The following PMPCB variants were observed in gnomAD, a reference collection of about 807,000 sequenced individuals.
PMPCB encodes peptidase, mitochondrial processing subunit beta, also known as mitochondrial-processing peptidase subunit beta.
In PMPCB, 46 loss-of-function variants were observed where a neutral mutation model predicts 61.5. The observed-to-expected ratio is 0.75, with a 90% CI of 0.59 to 0.96. The LOEUF (loss-of-function observed/expected upper bound fraction) is 0.96. PMPCB is among the 40% of genes least tolerant of loss of function. PMPCB has a pLI of 0.00. For missense variants in PMPCB, 590 were observed against 602.4 expected (o/e 0.98, Z 0.22); for synonymous variants, 191 against 201.6 (o/e 0.95, Z 0.44).
At chr7:103,316,785 C>T, downstream of PMPCB, 1 of 1,509,264 alleles carries the variant, frequency 6.6e-7, no homozygotes, top group Non-Finnish European at 9.1e-7. Context: ...ACATTATCTC[C>T]AGGCTCCAGT....
chr7:103,324,882 C>T (rs1019385981), intron 12 of PMPCB, among the ~76,000 whole-genome samples: 4 of 152,282 alleles, frequency 2.6e-5, no homozygotes, highest in African/African-American at 9.6e-5. Context: ...TGGCAGCTAG[C>T]CCCTTTTGCC....
chr7:103,346,962 T>G, the PMPCB span, among the ~76,000 whole-genome samples: 1 of 152,246 alleles, frequency 6.6e-6, no homozygotes, highest in East Asian at 1.9e-4. Context: ...TGGACATGGA[T>G]GTACAAATAT....
rs771121012 is a variant in PMPCB, at chr7:103,297,543, A to T, written c.84A>T (p.Arg28=). 1.2e-6 allele frequency: 2 copies of T among 1,609,558 alleles called. No homozygotes were observed. Among genetic ancestry groups the T allele is most frequent in the South Asian group, 2.2e-5 (2 of 90,778 alleles). Residue 28 remains arginine, a synonymous_variant, in exon 1 of 13, where the codon CGA becomes CGT. Coordinates refer to ENST00000249269, the MANE Select transcript of PMPCB (RefSeq NM_004279.3). Reference sequence around the variant, plus strand: ...GTTTCAGCGAGAGTCTTCTAATCCGAGGCGCTGCGGGACGGGTGAGCTTCC... The same window carrying T: ...GTTTCAGCGAGAGTCTTCTAATCCGTGGCGCTGCGGGACGGGTGAGCTTCC... The part of the protein sequence containing the change: ...LWGFSESLLI[R]GAAGRSLYFG...
intron 12 of PMPCB, among the ~76,000 whole-genome samples, chr7:103,320,113 C>T (rs907837706): frequency 3.3e-5 from 5 of 152,078 alleles, no homozygotes; most frequent in African/African-American, 4.8e-5. Flanking sequence ...TTCTTTGAGA[C>T]GGAGTCTCAC....
At chr7:103,321,341 ACT>A (rs1029608581) in intron 12 of PMPCB, among the ~76,000 whole-genome samples, 3 of 151,914 alleles carry the variant, frequency 2.0e-5, no homozygotes, top group Non-Finnish European at 4.4e-5. Context: ...ACACAGTGAA[ACT>A]CTGTCTCAAC....
chr7:103,308,833 A>T (rs527757513), intron 7 of PMPCB, 119 bp from the exon 8 acceptor site: 151 of 649,812 alleles, frequency 2.3e-4, no homozygotes, highest in African/African-American at 1.6e-3. Flanking sequence ...AAATCAAAAT[A>T]GAGTCCTGGT....
the PMPCB span, among the ~76,000 whole-genome samples, chr7:103,343,665 A>C: frequency 6.6e-6 from 1 of 152,232 alleles, no homozygotes; most frequent in African/African-American, 2.4e-5. Flanking sequence ...ATCACTGTAC[A>C]TGTGTATACT....
At chr7:103,333,006 G>C (rs1434441273), downstream of PMPCB, among the ~76,000 whole-genome samples, 1 of 152,012 alleles carries the variant, frequency 6.6e-6, no homozygotes, top group Non-Finnish European at 1.5e-5. Context: ...AATTTTTTTA[G>C]ATTTTGGAAT....
chr7:103,329,165 A>G (rs1402985673), exon 13 of PMPCB: 2 of 335,820 alleles, frequency 6.0e-6, no homozygotes, highest in African/African-American at 4.4e-5. Context: ...TGTGTCACTT[A>G]CAATTAATAA....
downstream of PMPCB, among the ~76,000 whole-genome samples, chr7:103,319,094 C>T (rs1243256168): frequency 6.6e-6 from 1 of 152,084 alleles, no homozygotes; most frequent in Non-Finnish European, 1.5e-5. Context: ...CACCTGTAAT[C>T]CCACCCGCAC....
At chr7:103,343,101 A>G in the PMPCB span, among the ~76,000 whole-genome samples, 3 of 148,930 alleles carry the variant, frequency 2.0e-5, no homozygotes, top group Non-Finnish European at 3.0e-5. Context: ...CCGGGTTCAA[A>G]CGATTCTTCT....
At chr7:103,343,082 C>T in the PMPCB span, among the ~76,000 whole-genome samples, 1 of 151,960 alleles carries the variant, frequency 6.6e-6, no homozygotes, top group Non-Finnish European at 1.5e-5. Flanking sequence ...TCACTGCAAC[C>T]TCCGCCTCCC....
Position 103,305,298 on chromosome 7 carries a change from G to A in PMPCB, c.736+808G>A, listed in dbSNP as rs765212465. On this transcript the variant is annotated intron_variant, in intron 6 of 12. Transcript: ENST00000249269. ...GGTGACTTCAGAAGGTTTCCTTGAGGTCATGTTTGAAGCCAGTGAATGAAA... is the reference window on the plus strand; with the variant it reads ...GGTGACTTCAGAAGGTTTCCTTGAGATCATGTTTGAAGCCAGTGAATGAAA... Among the ~76,000 whole-genome samples, 55 of 152,180 alleles carry A rather than the reference G, an allele frequency of 3.6e-4. 1 individual carries two copies. Among genetic ancestry groups the A allele is most frequent in the Admixed American group, 5.2e-4 (8 of 15,286 alleles).
Position 103,324,719 on chromosome 7 carries a change from C to T in PMPCB, c.*1432-4212C>T, listed in dbSNP as rs547210710. 55 of 688,196 alleles carry T rather than the reference C, an allele frequency of 8.0e-5. No homozygotes were observed. In the African/African-American group the frequency reaches 9.9e-4, roughly 12 times the overall value. The allele number at this position is 688,196 out of a possible 1,614,324, so 42.6% of individuals were successfully genotyped here. A position where few individuals can be genotyped will look rare whatever the true frequency, so the allele number is the denominator to read the frequency against. ...CTCGAAGATGGAGCTGGAAGGTCAG[C>T]AGTGGGGCATGAAACAATGCAGGTG... is the stretch of plus-strand genomic sequence containing the variant. On this transcript the variant is annotated intron_variant and NMD_transcript_variant, in intron 12 of 12. Transcript: ENST00000444457.
intron 7 of PMPCB, among the ~76,000 whole-genome samples, chr7:103,308,609 ACT>A (rs757629499): frequency 1.3e-5 from 2 of 152,112 alleles, no homozygotes; most frequent in South Asian, 2.1e-4. Flanking sequence ...ACAGAGTGAG[ACT>A]CTGTCTCAAA....
intron 1 of PMPCB, 24 bp downstream of exon 1, chr7:103,297,582 C>A: frequency 6.2e-7 from 1 of 1,612,276 alleles, no homozygotes; most frequent in South Asian, 1.1e-5. Context: ...CAGGCCGGTC[C>A]TGTCCTCGAG....
At chr7:103,327,774 G>A in intron 12 of PMPCB, 1 of 1,550,746 alleles carries the variant, frequency 6.4e-7, no homozygotes, top group East Asian at 2.2e-5. Flanking sequence ...CAGTCAGATT[G>A]AGATAATTTG....
the PMPCB span, chr7:103,341,696 A>G: frequency 7.8e-7 from 1 of 1,284,052 alleles, no homozygotes; most frequent in Admixed American, 2.5e-5. Flanking sequence ...ATTAATGGAA[A>G]ACTCATAAGA....
the PMPCB span, among the ~76,000 whole-genome samples, chr7:103,346,970 T>C: frequency 6.6e-6 from 1 of 152,370 alleles, no homozygotes; most frequent in East Asian, 1.9e-4. Flanking sequence ...GATGTACAAA[T>C]ATCTCTTTGA....
Sources: gnomAD v4.1 joint callset for allele counts (sites outside exome capture counted in the v4.1 genomes callset) on GRCh38, gnomAD v4.1.1 for gene constraint, MANE v1.5 for transcripts, NCBI Gene and HGNC (gene_info 2026-07-23, HGNC 2026-07-21) for gene names.